Variants in MGAM observed in about 807,000 individuals in gnomAD.
MGAM encodes the protein maltase-glucoamylase, also known as alpha-1,4-glucosidase.
A neutral mutation model predicts 358.8 loss-of-function variants in MGAM; 253 were observed. That is an observed-to-expected ratio of 0.71 (90% CI 0.64 to 0.78). The LOEUF (loss-of-function observed/expected upper bound fraction) is 0.78, where lower values mean the gene tolerates loss of function less well. Ranked by LOEUF, MGAM falls within the 30% of genes least tolerant of loss-of-function variation. MGAM has a pLI of 0.00. For synonymous variants in MGAM, 1,105 were observed against 1,227.1 expected (o/e 0.90, Z 2.08); for missense variants, 3,080 against 3,432.6 (o/e 0.90, Z 2.57).
intron 10 of MGAM, among the ~76,000 whole-genome samples, chr7:142,029,781 A>G (rs1433617617): frequency 6.6e-6 from 1 of 152,220 alleles, no homozygotes; most frequent in East Asian, 1.9e-4. Context: ...AAAGCTCAGT[A>G]GTCTTCTAGA....
chr7:142,080,669 A>G, intron 49 of MGAM, 122 bp from the exon 50 acceptor site: 1 of 920,478 alleles, frequency 1.1e-6, no homozygotes, highest in African/African-American at 1.6e-5. Flanking sequence ...CTCAGACATC[A>G]TAAACTTAAA....
chr7:142,019,452 C>T (rs1266686250), intron 4 of MGAM, 133 bp downstream of exon 4: 8 of 974,768 alleles, frequency 8.2e-6, no homozygotes, highest in Admixed American at 3.3e-5. Context: ...GGGCATTGCT[C>T]TTAATCGAGG....
At chr7:142,055,394 C>G (rs1026272828) in intron 27 of MGAM, among the ~76,000 whole-genome samples, 164 bp from the exon 28 acceptor site, 1 of 151,984 alleles carries the variant, frequency 6.6e-6, no homozygotes, top group African/African-American at 2.4e-5. Context: ...GGGCTTTTAG[C>G]GAGGATATCT....
At chr7:142,034,233 C>T (rs781953414) in intron 14 of MGAM, 29 bp from the exon 15 acceptor site, 6 of 1,487,346 alleles carry the variant, frequency 4.0e-6, no homozygotes, top group African/African-American at 2.8e-5. Context: ...AACTTAGGCT[C>T]TCACTGATTG....
At chr7:142,058,476 A>C in intron 31 of MGAM, 148 bp downstream of exon 31, 1 of 1,402,506 alleles carries the variant, frequency 7.1e-7, no homozygotes, top group Non-Finnish European at 9.6e-7. Flanking sequence ...CAGCACAGTA[A>C]TATAGGTAAG....
chr7:142,058,453 G>T (rs1811771638), intron 31 of MGAM, 125 bp downstream of exon 31: 16 of 1,498,170 alleles, frequency 1.1e-5, no homozygotes, highest in Non-Finnish European at 1.3e-5. Context: ...CAATATCACA[G>T]TTAGCCTCAC....
At chr7:142,099,848 A>G (rs1349111631) in intron 67 of MGAM, 111 bp downstream of exon 67, 1 of 1,440,086 alleles carries the variant, frequency 6.9e-7, no homozygotes, top group Admixed American at 2.4e-5. Context: ...ATTCTACTCA[A>G]CACTTGTTTT....
In MGAM at chr7:142,008,499, G is replaced by A. The variant is rs1554453208; in HGVS notation, c.128-7G>A. 1 of 1,601,210 alleles carries A rather than the reference G, an allele frequency of 6.2e-7. No homozygotes were observed. The highest frequency in any genetic ancestry group is 1.1e-5 in the South Asian group (1 of 89,370). ...TAATGGTCTTTTTATGTTTGCTTTTGGTATAGCCCCAGATCCTGGGACAAC... is the reference window on the plus strand; with the variant it reads ...TAATGGTCTTTTTATGTTTGCTTTTAGTATAGCCCCAGATCCTGGGACAAC... On this transcript the variant is annotated splice_polypyrimidine_tract_variant and splice_region_variant and intron_variant, in intron 2 of 70. Transcript: ENST00000475668.
chr7:142,017,036 G>A (rs548964646), intron 3 of MGAM, among the ~76,000 whole-genome samples: 2 of 152,194 alleles, frequency 1.3e-5, no homozygotes, highest in African/African-American at 4.8e-5. Context: ...TTTAAACCAT[G>A]TGATAGTTGA....
chr7:142,013,299 T>G (rs955055896), intron 3 of MGAM, among the ~76,000 whole-genome samples: 1 of 152,056 alleles, frequency 6.6e-6, no homozygotes, highest in Non-Finnish European at 1.5e-5. Context: ...GAGGAGCTCC[T>G]CCTGTTCCCT....
chr7:142,044,588 T>A (rs867812070), intron 21 of MGAM, among the ~76,000 whole-genome samples: 48 of 131,344 alleles, frequency 3.7e-4, no homozygotes, highest in African/African-American at 1.3e-3. Flanking sequence ...ATATAATGTA[T>A]ATTATATACA....
At chr7:142,075,435 G>A (rs1383883078) in intron 45 of MGAM, among the ~76,000 whole-genome samples, 1 of 146,266 alleles carries the variant, frequency 6.8e-6, no homozygotes, top group East Asian at 2.0e-4. Flanking sequence ...AAGTAAACAG[G>A]CGTGACTACA....
chr7:142,050,674 A>G (rs779019290), intron 23 of MGAM, 23 bp from the exon 24 acceptor site: 2 of 1,607,030 alleles, frequency 1.2e-6, no homozygotes, highest in Non-Finnish European at 1.7e-6. Context: ...CTTTATGCAT[A>G]CTTGGACTTA....
Position 142,067,430 on chromosome 7 carries a change from G to A in MGAM, c.5004+5G>A, listed in dbSNP as rs758063756. On this transcript the variant is annotated splice_donor_5th_base_variant and intron_variant, in intron 42 of 70. Transcript: ENST00000475668. ...GTCAGCCCTGTCCTGGAGCGCGTGA[G>A]TATGGAGGCCTCCGATGAGGGGAGG... 1.3e-6 allele frequency: 2 copies of A among 1,550,752 alleles called. No individual in the cohort carries two copies. The highest frequency in any genetic ancestry group is 8.9e-7 in the Non-Finnish European group (1 of 1,128,546).
At chr7:142,062,875 T>A (rs1409395494) in intron 35 of MGAM, among the ~76,000 whole-genome samples, 173 bp downstream of exon 35, 4 of 152,152 alleles carry the variant, frequency 2.6e-5, no homozygotes, top group African/African-American at 9.7e-5. Flanking sequence ...CCTCACACCT[T>A]CTACCAGACC....
At chr7:142,079,408 C>T (rs1179926097) in intron 49 of MGAM, among the ~76,000 whole-genome samples, 1 of 145,426 alleles carries the variant, frequency 6.9e-6, no homozygotes, top group African/African-American at 2.4e-5. Context: ...GAGAGGGAAG[C>T]ATCAAGAATG....
At chr7:142,067,946 A>ATT in intron 42 of MGAM, among the ~76,000 whole-genome samples, 1 of 36,946 alleles carries the variant, frequency 2.7e-5, no homozygotes, top group South Asian at 9.2e-4. Flanking sequence ...ATATATATAT[A>ATT]TATATATATA....
chr7:142,007,800 A>G (rs1366163429), intron 2 of MGAM, among the ~76,000 whole-genome samples: 2 of 152,108 alleles, frequency 1.3e-5, no homozygotes, highest in Non-Finnish European at 2.9e-5. Context: ...TTTGTCATAT[A>G]GGACTTTGTA....
intron 21 of MGAM, among the ~76,000 whole-genome samples, chr7:142,045,231 T>TGA (rs1809989835): frequency 1.3e-5 from 1 of 79,252 alleles, no homozygotes; most frequent in Non-Finnish European, 2.2e-5. Flanking sequence ...ATAATATATA[T>TGA]TATATATCAT....
Sources: gnomAD v4.1 joint callset for allele counts (sites outside exome capture counted in the v4.1 genomes callset) on GRCh38, gnomAD v4.1.1 for gene constraint, MANE v1.5 for transcripts, NCBI Gene and HGNC (gene_info 2026-07-23, HGNC 2026-07-21) for gene names.